The following TRIM16 variants were observed in gnomAD, a reference collection of about 807,000 sequenced individuals.
The protein encoded by TRIM16 is tripartite motif-containing protein 16.
A neutral mutation model predicts 50.4 loss-of-function variants in TRIM16; 33 were observed. The observed-to-expected ratio is 0.65, with a 90% confidence interval of 0.50 to 0.88. The LOEUF (loss-of-function observed/expected upper bound fraction) is 0.88, where lower values mean the gene tolerates loss of function less well. TRIM16 is among the 40% of genes least tolerant of loss of function. The pLI is 0.00. For missense variants in TRIM16, 581 were observed against 686.8 expected (o/e 0.85, Z 1.72); for synonymous variants, 229 against 270.7 (o/e 0.85, Z 1.51).
chr17:15,642,578 G>A, intron 8 of TRIM16, 143 bp downstream of exon 8: 1 of 1,227,422 alleles, frequency 8.1e-7, no homozygotes, highest in Non-Finnish European at 1.1e-6. Flanking sequence ...TGACATCAAG[G>A]TGAGGCTACC....
rs542812561 is a variant in TRIM16 at position 15,628,770 on chromosome 17, C to T, written c.1540G>A (p.Asp514Asn). The T allele has an allele frequency of 6.2e-7, 1 of 1,614,212 alleles. No individual in the cohort carries two copies. Among genetic ancestry groups the T allele is most frequent in the Admixed American group, 1.7e-5 (1 of 60,020 alleles). The change falls in exon 12 of 12, where the codon GAT becomes AAT. Residue 514 changes from aspartate (D) to asparagine (N), a missense_variant. Coordinates refer to ENST00000649191, the MANE Select transcript of TRIM16 (RefSeq NM_001348119.1). ...AACTTGTGAACCAGAGTCATGGTAT[C>T]ATACTCTACGCCATAGAAGGAAAGG... ...GILSFYGVEY[D>N]TMTLVHKFAC... is the part of the protein sequence containing the mutation.
chr17:15,683,064 C>T lies in TRIM16; in HGVS notation c.-805G>A. The T allele has an allele frequency of 6.4e-7, 1 of 1,550,594 alleles. No individual in the cohort carries two copies. The highest frequency in any genetic ancestry group is 8.7e-7 in the Non-Finnish European group (1 of 1,147,004). ...TGTTCTGGAGTTTGCAGGTCCAATC[C>T]TCCATAATCATAGCCTTTGCTTCAC... On this transcript the variant is annotated 5_prime_UTR_variant, in exon 2 of 12. Coordinates refer to ENST00000649191, the MANE Select transcript of TRIM16 (RefSeq NM_001348119.1).
chr17:15,628,796 A>C lies in TRIM16; in HGVS notation c.1514T>G (p.Ile505Ser), dbSNP rs1469104824. Residue 505 changes from isoleucine (I) to serine (S), a missense_variant, in exon 12 of 12, where the codon ATC (isoleucine) becomes AGC (serine). This residue lies in a region of TRIM16 where 115 missense variants were observed against 106.7 expected (regional missense o/e 1.08). Coordinates refer to ENST00000649191, the MANE Select transcript of TRIM16 (RefSeq NM_001348119.1). The stretch of plus-strand genomic sequence containing the variant: ...ATACTCTACGCCATAGAAGGAAAGG[A>C]TCCCTCCCGGGAAGTCGATATAGAC... ...LGVYIDFPGGILSFYGVEYDT... is the reference protein window; with the variant it reads ...LGVYIDFPGGSLSFYGVEYDT... 21 of 1,614,080 alleles carry C rather than the reference A, an allele frequency of 1.3e-5. No individual in the cohort carries two copies. Among genetic ancestry groups the C allele is most frequent in the Non-Finnish European group, 1.7e-5 (20 of 1,180,058 alleles).
chr17:15,681,049 A>T (rs1248727788), intron 3 of TRIM16, 96 bp from the exon 4 acceptor site: 113 of 1,194,516 alleles, frequency 9.5e-5, no homozygotes, highest in Non-Finnish European at 1.2e-4. Flanking sequence ...TGTGCCTCTG[A>T]CCTTGGCTGT....
intron 7 of TRIM16, among the ~76,000 whole-genome samples, chr17:15,645,616 G>T (rs1258211140): frequency 1.3e-5 from 2 of 152,058 alleles, no homozygotes; most frequent in Admixed American, 6.5e-5. Context: ...GCTTCTGTCT[G>T]CATTTAAAGC....
chr17:15,653,981 C>T (rs1211359973), intron 6 of TRIM16, among the ~76,000 whole-genome samples: 3 of 151,958 alleles, frequency 2.0e-5, no homozygotes, highest in East Asian at 1.9e-4. Flanking sequence ...ATTTGGAAGG[C>T]GAATGGAAGA....
Position 15,679,278 on chromosome 17 carries a change from G to A in TRIM16, c.-589-1557C>T, listed in dbSNP as rs79701255. On this transcript the variant is annotated intron_variant, in intron 4 of 11. Coordinates refer to ENST00000649191, the MANE Select transcript of TRIM16 (RefSeq NM_001348119.1). Reference sequence around the variant, plus strand: ...CTGTGGCTCTAGAACAGGTTGGAAAGCACCAGAACGCTCTTTGTGTAGAAT... The same window carrying A: ...CTGTGGCTCTAGAACAGGTTGGAAAACACCAGAACGCTCTTTGTGTAGAAT... 5.9e-5 allele frequency among the ~76,000 whole-genome samples: 9 copies of A among 152,332 alleles called. No homozygotes were observed. The East Asian group carries it at 1.7e-3, about 29-fold the overall frequency.
chr17:15,639,214 T>G (rs543698648), intron 8 of TRIM16, among the ~76,000 whole-genome samples: 2 of 143,600 alleles, frequency 1.4e-5, no homozygotes, highest in East Asian at 4.2e-4. Flanking sequence ...CCCAACTAAT[T>G]TTTATATTTT....
intron 6 of TRIM16, among the ~76,000 whole-genome samples, chr17:15,667,569 CT>C (rs1396443100): frequency 2.3e-4 from 35 of 152,238 alleles, no homozygotes; most frequent in African/African-American, 7.5e-4. Context: ...TATCAATTAA[CT>C]TCCTGATACA....
At chr17:15,635,509 C>A in intron 9 of TRIM16, among the ~76,000 whole-genome samples, 1 of 143,086 alleles carries the variant, frequency 7.0e-6, no homozygotes, top group Non-Finnish European at 1.5e-5. Flanking sequence ...ATTACTCCAG[C>A]CACAGCCCTC....
intron 6 of TRIM16, among the ~76,000 whole-genome samples, chr17:15,662,846 G>A (rs1322564946): frequency 6.6e-6 from 1 of 152,304 alleles, no homozygotes; most frequent in East Asian, 1.9e-4. Flanking sequence ...GCACACTGGT[G>A]ATTACAGGGC....
chr17:15,656,539 C>T lies in TRIM16; in HGVS notation c.-337-4593G>A, dbSNP rs78710251. ...CCATCACAACATCTAGACCATCGCC[C>T]CTCCCCAGCCCCTTTGCAAACCCTG... On this transcript the variant is annotated intron_variant, in intron 6 of 11. Transcript: ENST00000649191. Among the ~76,000 whole-genome samples the T allele has an allele frequency of 2.6e-3, 392 of 152,118 alleles. 3 individuals are homozygous for T. Among genetic ancestry groups the T allele is most frequent in the African/African-American group, 8.9e-3 (368 of 41,502 alleles).
intron 7 of TRIM16, among the ~76,000 whole-genome samples, chr17:15,645,363 C>T (rs571481192): frequency 6.6e-6 from 1 of 152,072 alleles, no homozygotes; most frequent in Non-Finnish European, 1.5e-5. Context: ...GTTCTGTATT[C>T]GAAGGCAGAG....
chr17:15,652,822 C>T (rs1011663354), intron 6 of TRIM16, among the ~76,000 whole-genome samples: 83 of 151,972 alleles, frequency 5.5e-4, no homozygotes, highest in African/African-American at 1.9e-3. Context: ...CAGTAATGTC[C>T]GTCACACTCG....
At chr17:15,649,436 G>A (rs1396377206) in intron 7 of TRIM16, among the ~76,000 whole-genome samples, 3 of 151,906 alleles carry the variant, frequency 2.0e-5, no homozygotes, top group Non-Finnish European at 4.4e-5. Flanking sequence ...ACAGTCGCCC[G>A]CCACCACACC....
rs780268929 is a variant in TRIM16 at position 15,636,070 on chromosome 17, A to G, written c.815T>C (p.Met272Thr). 33 of 1,609,706 alleles carry G rather than the reference A, an allele frequency of 2.1e-5. No homozygotes were observed. The highest frequency in any genetic ancestry group is 2.8e-5 in the Non-Finnish European group (33 of 1,178,886). ...CTGGACAGTGTTGCTGATGGCCGCCATCCTCTCCAGCTCCTGCTTGCTCTT... is the reference window on the plus strand; with the variant it reads ...CTGGACAGTGTTGCTGATGGCCGCCGTCCTCTCCAGCTCCTGCTTGCTCTT... The part of the protein sequence containing the change: ...MEKSKQELER[M>T]AAISNTVQFL... The change falls in exon 9 of 12, where the codon ATG (methionine) becomes ACG (threonine). Residue 272 changes from methionine (M) to threonine (T), a missense_variant. Coordinates refer to ENST00000649191, the MANE Select transcript of TRIM16 (RefSeq NM_001348119.1).
In TRIM16 at chr17:15,631,605, C is replaced by T. The variant is rs193296406; in HGVS notation, c.1111+14G>A. Reference sequence around the variant, plus strand: ...TATCAACAACTGGAGAAGCGGGTGCCGTTCACAACTTACATTGGAGGAACT... The same window carrying T: ...TATCAACAACTGGAGAAGCGGGTGCTGTTCACAACTTACATTGGAGGAACT... On this transcript the variant is annotated intron_variant, in intron 11 of 11. Coordinates refer to ENST00000649191, the MANE Select transcript of TRIM16 (RefSeq NM_001348119.1). The T allele has an allele frequency of 1.1e-5, 18 of 1,613,692 alleles. No individual in the cohort carries two copies. Among genetic ancestry groups the T allele is most frequent in the East Asian group, 2.2e-5 (1 of 44,892 alleles).
At chr17:15,671,238 C>A (rs1442734813) in intron 6 of TRIM16, among the ~76,000 whole-genome samples, 1 of 151,534 alleles carries the variant, frequency 6.6e-6, no homozygotes, top group Non-Finnish European at 1.5e-5. Context: ...AGGGCAATAC[C>A]AATATTGTCT....
At chr17:15,655,717 C>T (rs986450027) in intron 6 of TRIM16, among the ~76,000 whole-genome samples, 2 of 151,962 alleles carry the variant, frequency 1.3e-5, no homozygotes, top group African/African-American at 2.4e-5. Flanking sequence ...TGGGACTACA[C>T]GCACCCACCA....
Sources: allele counts gnomAD v4.1 joint callset (sites outside exome capture counted in the v4.1 genomes callset), GRCh38; gene constraint gnomAD v4.1.1; regional missense constraint gnomAD v4.1.1; transcripts MANE v1.5; gene names NCBI Gene and HGNC (gene_info 2026-07-23, HGNC 2026-07-21).